PCDH10: variants seen among roughly 807,000 people sequenced by gnomAD.
PCDH10 encodes the protein protocadherin-10.
A neutral mutation model predicts 74.4 loss-of-function variants in PCDH10; 15 were observed. That is an observed-to-expected ratio of 0.20 (90% CI 0.13 to 0.31). PCDH10 has a LOEUF of 0.31. Among genes scored for constraint, PCDH10 ranks in the 10% least tolerant of loss-of-function variants. PCDH10 has a pLI of 1.00. For missense variants in PCDH10, 1,260 were observed against 1,390.2 expected (o/e 0.91, Z 1.49); for synonymous variants, 619 against 589.8 (o/e 1.05, Z -0.72).
intron 3 of PCDH10, among the ~76,000 whole-genome samples, chr4:133,155,317 C>A (rs1222422120): frequency 2.0e-5 from 3 of 152,182 alleles, no homozygotes; most frequent in Non-Finnish European, 4.4e-5. Context: ...AAAGACATAG[C>A]TCTCTCACTT....
At chr4:133,166,227 G>T (rs147309006) in intron 4 of PCDH10, among the ~76,000 whole-genome samples, 1 of 151,446 alleles carries the variant, frequency 6.6e-6, no homozygotes, top group South Asian at 2.1e-4. Flanking sequence ...CAGAAATGCC[G>T]TATTTAGATT....
chr4:133,149,661 T>C lies in PCDH10; in HGVS notation c.-480T>C. Reference sequence around the variant, plus strand: ...AGCCGTTGACATTAAGAGGCATGTTTAACGGTGCCAACAGCATCTCCTTTT... The same window carrying C: ...AGCCGTTGACATTAAGAGGCATGTTCAACGGTGCCAACAGCATCTCCTTTT... On this transcript the variant is annotated 5_prime_UTR_variant, in exon 1 of 5. Coordinates refer to ENST00000264360, the MANE Select transcript of PCDH10 (RefSeq NM_032961.3). 6.4e-6 allele frequency: 1 copy of C among 155,414 alleles called. No individual in the cohort carries two copies. Among genetic ancestry groups the C allele is most frequent in the Non-Finnish European group, 1.4e-5 (1 of 69,740 alleles). 9.6% of individuals were successfully genotyped at this position (155,414 alleles called of 1,614,324 possible).
rs1044634251 is a variant in PCDH10, at chr4:133,193,448, C to A, written c.*3288C>A. The A allele has an allele frequency of 6.6e-6, 1 of 151,546 alleles. No homozygotes were observed. Among genetic ancestry groups the A allele is most frequent in the Admixed American group, 6.6e-5 (1 of 15,160 alleles). 9.4% of individuals were successfully genotyped at this position (151,546 alleles called of 1,614,324 possible). ...GGATTGTAATTTGCCATCAGATTCTCTGTATTATAGAAGCTATCTTGCTTC... is the reference window on the plus strand; with the variant it reads ...GGATTGTAATTTGCCATCAGATTCTATGTATTATAGAAGCTATCTTGCTTC... On this transcript the variant is annotated 3_prime_UTR_variant, in exon 5 of 5. Coordinates refer to ENST00000264360, the MANE Select transcript of PCDH10 (RefSeq NM_032961.3).
intron 4 of PCDH10, among the ~76,000 whole-genome samples, chr4:133,178,778 GTCTC>G (rs929766125): frequency 7.2e-5 from 11 of 152,094 alleles, no homozygotes; most frequent in African/African-American, 2.7e-4. Context: ...ACTTGTGAGT[GTCTC>G]TCTATGAAAG....
At chr4:133,199,991 G>A (rs926031185) in intron 2 of PCDH10, among the ~76,000 whole-genome samples, 2 of 151,006 alleles carry the variant, frequency 1.3e-5, no homozygotes, top group African/African-American at 4.9e-5. Flanking sequence ...TTAGAGACGG[G>A]GTTTCACCGT....
chr4:133,157,191 T>G (rs141269043), intron 3 of PCDH10, among the ~76,000 whole-genome samples: 1 of 152,232 alleles, frequency 6.6e-6, no homozygotes, highest in Non-Finnish European at 1.5e-5. Context: ...AAAGCACTTA[T>G]GTTAAGAAGT....
intron 2 of PCDH10, among the ~76,000 whole-genome samples, chr4:133,207,297 A>C (rs2125879509): frequency 6.6e-6 from 1 of 152,302 alleles, no homozygotes. Flanking sequence ...TATTTTGAAT[A>C]GTGGCCTGAA....
At chr4:133,173,631 G>A (rs545955742) in intron 4 of PCDH10, among the ~76,000 whole-genome samples, 3 of 151,996 alleles carry the variant, frequency 2.0e-5, no homozygotes, top group South Asian at 2.1e-4. Context: ...AATTGAAAAA[G>A]CATTGGTTTC....
At chr4:133,153,331 C>A (rs1321815210) in intron 1 of PCDH10, 1 of 905,186 alleles carries the variant, frequency 1.1e-6, no homozygotes, top group African/African-American at 1.8e-5. Flanking sequence ...GCAAAAAAAG[C>A]CTTCAGTTCG....
chr4:133,201,379 T>A (rs187950955), intron 2 of PCDH10, among the ~76,000 whole-genome samples: 1 of 152,266 alleles, frequency 6.6e-6, no homozygotes, highest in East Asian at 1.9e-4. Flanking sequence ...TGGATGAGAA[T>A]GACAGCAATA....
intron 2 of PCDH10, among the ~76,000 whole-genome samples, chr4:133,201,814 C>A (rs1234791200): frequency 2.2e-5 from 3 of 133,476 alleles, no homozygotes; most frequent in African/African-American, 8.9e-5. Flanking sequence ...TGAGATCATG[C>A]CATTGCACTC....
intron 4 of PCDH10, among the ~76,000 whole-genome samples, chr4:133,168,259 G>A (rs1382648386): frequency 2.0e-5 from 3 of 150,900 alleles, no homozygotes; most frequent in Non-Finnish European, 4.5e-5. Flanking sequence ...CACAGCAGTT[G>A]TTTTATATAT....
downstream of PCDH10, among the ~76,000 whole-genome samples, chr4:133,196,653 T>G (rs1727800937): frequency 6.6e-6 from 1 of 152,228 alleles, no homozygotes; most frequent in East Asian, 1.9e-4. Context: ...GAAAGTGGTT[T>G]GTTTTGGGAA....
At chr4:133,164,155 A>G (rs1727032806) in intron 4 of PCDH10, 1 of 342,218 alleles carries the variant, frequency 2.9e-6, no homozygotes, top group African/African-American at 2.2e-5. Context: ...TTCAGAACCA[A>G]AAAATCATTT....
chr4:133,207,386 A>T (rs549964119), intron 2 of PCDH10, among the ~76,000 whole-genome samples: 1 of 152,188 alleles, frequency 6.6e-6, no homozygotes, highest in African/African-American at 2.4e-5. Flanking sequence ...CATGACAGAA[A>T]CTAGGCCATT....
intron 2 of PCDH10, among the ~76,000 whole-genome samples, chr4:133,201,138 C>T (rs1375984646): frequency 1.3e-5 from 2 of 152,142 alleles, no homozygotes; most frequent in African/African-American, 4.8e-5. Context: ...CAAACTGCTG[C>T]ATCACCAAGA....
At chr4:133,171,648 T>C (rs1483529915) in intron 4 of PCDH10, among the ~76,000 whole-genome samples, 1 of 152,258 alleles carries the variant, frequency 6.6e-6, no homozygotes, top group Middle Eastern at 3.4e-3. Context: ...CACAGGTAGA[T>C]TTAATTTGAA....
At position 133,192,096 on chromosome 4, in the gene PCDH10, A is replaced by G. The variant is rs1459056483; in HGVS notation, c.*1936A>G. On this transcript the variant is annotated 3_prime_UTR_variant, in exon 5 of 5. Coordinates refer to ENST00000264360, the MANE Select transcript of PCDH10 (RefSeq NM_032961.3). Reference sequence around the variant, plus strand: ...ATATCATATTCCAATCAGTTCATATATCAAAATAATGTATGTAATGTTCCA... The same window carrying G: ...ATATCATATTCCAATCAGTTCATATGTCAAAATAATGTATGTAATGTTCCA... The G allele has an allele frequency of 6.6e-6, 1 of 151,608 alleles. No individual in the cohort carries two copies. The highest frequency in any genetic ancestry group is 2.4e-5 in the African/African-American group (1 of 41,394). The allele number at this position is 151,608 out of a possible 1,614,324, so 9.4% of individuals were successfully genotyped here. A position where few individuals can be genotyped will look rare whatever the true frequency, so the allele number is the denominator to read the frequency against.
chr4:133,197,299 T>G (rs554577023), downstream of PCDH10, among the ~76,000 whole-genome samples: 16 of 152,300 alleles, frequency 1.1e-4, no homozygotes, highest in Non-Finnish European at 2.2e-4. Flanking sequence ...TCATTTTGTT[T>G]GCATATGATT....
Sources: gnomAD v4.1 joint callset for allele counts (sites outside exome capture counted in the v4.1 genomes callset) on GRCh38, gnomAD v4.1.1 for gene constraint, MANE v1.5 for transcripts, NCBI Gene and HGNC (gene_info 2026-07-23, HGNC 2026-07-21) for gene names.